Variants in MOXD1 observed in about 807,000 individuals in gnomAD.
MOXD1 encodes DBH-like monooxygenase protein 1.
MOXD1 carries 62 observed loss-of-function variants against 66.6 expected under a neutral mutation model. The observed-to-expected ratio is 0.93, with a 90% CI of 0.76 to 1.15. The LOEUF (loss-of-function observed/expected upper bound fraction) is 1.15, where lower values mean the gene tolerates loss of function less well. MOXD1 is among the 50% of genes most tolerant of loss of function. The pLI is 0.00. For synonymous variants in MOXD1, 303 were observed against 281.9 expected (o/e 1.07, Z -0.75); for missense variants, 847 against 754.6 (o/e 1.12, Z -1.44).
chr6:132,390,752 A>G (rs1370584688), intron 1 of MOXD1: 1 of 151,524 alleles, frequency 6.6e-6, no homozygotes, highest in Non-Finnish European at 1.5e-5. Context: ...TATTGACCTC[A>G]CAGGACTATC....
intron 10 of MOXD1, among the ~76,000 whole-genome samples, chr6:132,301,965 A>G (rs1048758819): frequency 6.6e-6 from 1 of 152,186 alleles, no homozygotes; most frequent in African/African-American, 2.4e-5. Context: ...CGAAACAGAA[A>G]ATGACGATCT....
intron 10 of MOXD1, among the ~76,000 whole-genome samples, chr6:132,311,628 C>T (rs1774832446): frequency 6.6e-6 from 1 of 151,918 alleles, no homozygotes; most frequent in East Asian, 1.9e-4. Flanking sequence ...TTTATTTGAA[C>T]TTCAACAAAT....
At chr6:132,380,512 A>C (rs951153698) in intron 1 of MOXD1, among the ~76,000 whole-genome samples, 1 of 152,100 alleles carries the variant, frequency 6.6e-6, no homozygotes, top group African/African-American at 2.4e-5. Flanking sequence ...TCATGATTCT[A>C]TTTCCCCTAT....
intron 10 of MOXD1, among the ~76,000 whole-genome samples, chr6:132,298,517 A>G (rs1252540248): frequency 3.3e-5 from 5 of 152,186 alleles, no homozygotes; most frequent in Non-Finnish European, 7.4e-5. Flanking sequence ...CCCATACACT[A>G]TAAAAGCCTG....
At chr6:132,360,309 G>A (rs377088137) in intron 4 of MOXD1, among the ~76,000 whole-genome samples, 11 of 152,232 alleles carry the variant, frequency 7.2e-5, no homozygotes, top group Admixed American at 3.3e-4. Flanking sequence ...CTTTCTGGGC[G>A]TCAGTTTCCT....
chr6:132,396,419 C>T lies in MOXD1; in HGVS notation c.264+4744G>A, dbSNP rs1195480679. 2.0e-5 allele frequency among the ~76,000 whole-genome samples: 3 copies of T among 151,824 alleles called. No individual in the cohort carries two copies. In the South Asian group the frequency reaches 6.2e-4, roughly 31 times the overall value. On this transcript the variant is annotated intron_variant, in intron 1 of 11. Transcript: ENST00000367963. ...GAAAGTTTATAGCAACAAACACCTA[C>T]ATCAAAAAGTAGAAAGATTTCAAAT...
rs147693794 is a variant in MOXD1 at position 132,328,511 on chromosome 6, G to A, written c.747C>T (p.Ser249=). The change falls in exon 5 of 12, where the codon AGC becomes AGT. Residue 249 remains serine (S), a synonymous_variant. Transcript: ENST00000367963. ...LYQCSNNFND[S]VLESGHECYH... is the part of the protein sequence containing the mutation. ...AGCACTCGTGGCCGGACTCCAGAAC[G>A]CTGTCGTTAAAGTTGTTGCTGCACT... 513 of 1,613,978 alleles carry A rather than the reference G, an allele frequency of 3.2e-4. 1 individual carries two copies. Among genetic ancestry groups the A allele is most frequent in the Non-Finnish European group, 4.0e-4 (473 of 1,180,016 alleles).
chr6:132,314,514 C>T (rs1291026893), intron 10 of MOXD1, among the ~76,000 whole-genome samples: 1 of 152,246 alleles, frequency 6.6e-6, no homozygotes, highest in East Asian at 1.9e-4. Context: ...CTGGTCCCAC[C>T]TGCTCTCATG....
Position 132,320,654 on chromosome 6 carries a change from G to C in MOXD1, c.1340C>G (p.Thr447Arg). 6.2e-7 allele frequency: 1 copy of C among 1,609,840 alleles called. No individual in the cohort carries two copies. Residue 447 changes from threonine to arginine, a missense_variant, in exon 9 of 12, where the codon ACG (threonine) becomes AGG (arginine). Coordinates refer to ENST00000367963, the MANE Select transcript of MOXD1 (RefSeq NM_015529.4). ...DNLITECRYN[T>R]KDRAEMTWGG... is the part of the protein sequence containing the mutation. ...CCAAGTCATCTCAGCTCTATCTTTC[G>C]TGTTGTAGCGACACTCAGTAATTAG...
intron 1 of MOXD1, among the ~76,000 whole-genome samples, chr6:132,378,459 A>G (rs1582603974): frequency 6.6e-6 from 1 of 152,140 alleles, no homozygotes; most frequent in African/African-American, 2.4e-5. Flanking sequence ...TTTCTATCCT[A>G]AAAAATATCT....
At chr6:132,382,479 C>A (rs748728514) in intron 1 of MOXD1, among the ~76,000 whole-genome samples, 15 of 151,970 alleles carry the variant, frequency 9.9e-5, no homozygotes, top group Non-Finnish European at 2.2e-4. Context: ...TGAATCATCA[C>A]TGAGGTATGA....
At chr6:132,309,451 T>G (rs560091626) in intron 10 of MOXD1, among the ~76,000 whole-genome samples, 1 of 152,204 alleles carries the variant, frequency 6.6e-6, no homozygotes, top group Non-Finnish European at 1.5e-5. Context: ...CTGCCCAACG[T>G]AATTTATAGA....
chr6:132,297,130 TG>T lies in MOXD1; in HGVS notation c.*22del. 6.2e-7 allele frequency: 1 copy of T among 1,610,132 alleles called. No individual in the cohort carries two copies. Among genetic ancestry groups the T allele is most frequent in the Middle Eastern group, 1.7e-4 (1 of 6,034 alleles). On this transcript the variant is annotated 3_prime_UTR_variant, in exon 12 of 12. Coordinates refer to ENST00000367963, the MANE Select transcript of MOXD1 (RefSeq NM_015529.4). ...GACAGGTTCAGATCATAGAAAACAT[TG>T]TCAAGTCCAACAGAATTTTGATCAC... is the stretch of plus-strand genomic sequence containing the variant.
intron 4 of MOXD1, among the ~76,000 whole-genome samples, chr6:132,370,229 AC>A (rs750938082): frequency 5.5e-4 from 84 of 152,170 alleles, no homozygotes; most frequent in Non-Finnish European, 1.1e-3. Context: ...AAGAATATAC[AC>A]TTTTCTTAAA....
At chr6:132,360,133 T>C (rs546628723) in intron 4 of MOXD1, among the ~76,000 whole-genome samples, 1 of 152,362 alleles carries the variant, frequency 6.6e-6, no homozygotes, top group East Asian at 1.9e-4. Context: ...CAATGTGTAA[T>C]ACTTCAGAAT....
intron 1 of MOXD1, among the ~76,000 whole-genome samples, chr6:132,382,754 T>C (rs1275610964): frequency 6.6e-6 from 1 of 152,160 alleles, no homozygotes; most frequent in South Asian, 2.1e-4. Context: ...GAAATTGCCA[T>C]TAGAAGCTGA....
At chr6:132,323,053 C>T (rs1275750337) in intron 7 of MOXD1, among the ~76,000 whole-genome samples, 183 bp from the exon 8 acceptor site, 2 of 152,166 alleles carry the variant, frequency 1.3e-5, no homozygotes, top group East Asian at 1.9e-4. Context: ...CAACATTTGC[C>T]GGGAGAAAAG....
intron 11 of MOXD1, 22 bp from the exon 12 acceptor site, chr6:132,297,339 A>G (rs759376528): frequency 6.2e-7 from 1 of 1,609,318 alleles, no homozygotes; most frequent in Non-Finnish European, 8.5e-7. Context: ...AGCACAAACA[A>G]TGCAAATGAA....
chr6:132,349,406 CATA>C (rs1389763810), intron 4 of MOXD1, among the ~76,000 whole-genome samples: 1 of 72,044 alleles, frequency 1.4e-5, no homozygotes, highest in Non-Finnish European at 2.4e-5. Context: ...CATATATATA[CATA>C]TATATATATA....
Sources: allele counts gnomAD v4.1 joint callset (sites outside exome capture counted in the v4.1 genomes callset), GRCh38; gene constraint gnomAD v4.1.1; transcripts MANE v1.5; gene names NCBI Gene and HGNC (gene_info 2026-07-23, HGNC 2026-07-21).